The following PGGT1B variants were observed in gnomAD, a reference collection of about 807,000 sequenced individuals.
The protein encoded by PGGT1B is geranylgeranyl transferase type-1 subunit beta.
A neutral mutation model predicts 46.1 loss-of-function variants in PGGT1B; 30 were observed. The observed-to-expected ratio is 0.65, with a 90% CI of 0.49 to 0.88. The LOEUF is 0.88. Among genes scored for constraint, PGGT1B ranks in the 40% least tolerant of loss-of-function variants. PGGT1B has a pLI of 0.00. For missense variants in PGGT1B, 376 were observed against 455.9 expected, an observed-to-expected ratio of 0.82 and a Z score of 1.60; for synonymous variants, 170 against 160.0, an observed-to-expected ratio of 1.06 and a Z score of -0.47.
At chr5:115,236,052 C>A (rs896185520) in intron 5 of PGGT1B, among the ~76,000 whole-genome samples, 2 of 152,080 alleles carry the variant, frequency 1.3e-5, no homozygotes, top group African/African-American at 4.8e-5. Context: ...ACATAATCTT[C>A]CAGTTTGCGT....
intron 6 of PGGT1B, among the ~76,000 whole-genome samples, chr5:115,228,459 TA>T (rs1756864508): frequency 6.6e-6 from 1 of 152,070 alleles, no homozygotes; most frequent in African/African-American, 2.4e-5. Context: ...GAAAGGGGGT[TA>T]GAGAATGGGA....
intron 7 of PGGT1B, among the ~76,000 whole-genome samples, chr5:115,217,822 T>C (rs969421601): frequency 6.6e-6 from 1 of 151,978 alleles, no homozygotes; most frequent in Non-Finnish European, 1.5e-5. Context: ...AAAGACTTTT[T>C]TGAATCTTGA....
intron 8 of PGGT1B, among the ~76,000 whole-genome samples, chr5:115,215,350 G>A (rs886625808): frequency 2.0e-5 from 3 of 151,972 alleles, no homozygotes; most frequent in African/African-American, 7.3e-5. Flanking sequence ...CCAGGCTGGA[G>A]TGCAGTGGTG....
intron 8 of PGGT1B, among the ~76,000 whole-genome samples, chr5:115,215,874 A>G (rs1280309817): frequency 6.6e-6 from 1 of 152,234 alleles, no homozygotes; most frequent in Non-Finnish European, 1.5e-5. Flanking sequence ...CTTGCTTATC[A>G]AAAGTGTCAG....
chr5:115,248,298 A>G (rs1747940356), intron 2 of PGGT1B, among the ~76,000 whole-genome samples: 1 of 152,242 alleles, frequency 6.6e-6, no homozygotes, highest in Admixed American at 6.5e-5. Context: ...ATCAGCACAT[A>G]TAAGTAAAAT....
In PGGT1B at chr5:115,207,219, CT is replaced by C. The variant is rs1021508615; in HGVS notation, c.*5182del. The C allele has an allele frequency of 1.1e-4, 7 of 62,110 alleles. No individual in the cohort carries two copies. The highest frequency in any genetic ancestry group is 4.3e-4 in the African/African-American group (7 of 16,296). 3.8% of individuals were successfully genotyped at this position (62,110 alleles called of 1,614,324 possible). A position where few individuals can be genotyped will look rare whatever the true frequency, so the allele number is the denominator to read the frequency against. On this transcript the variant is annotated 3_prime_UTR_variant, in exon 9 of 9. Transcript: ENST00000419445. ...TATATATATATATAGTCTTGTTACT[CT>C]TTTTAGTAAACATTTTTACTGAGCT...
rs1464371371 is a variant in PGGT1B at position 115,241,650 on chromosome 5, T to C, written c.260-44A>G. On this transcript the variant is annotated intron_variant, in intron 2 of 8. Coordinates refer to ENST00000419445, the MANE Select transcript of PGGT1B (RefSeq NM_005023.4). ...TGCTTATTTAAAGTACACTTTATTT[T>C]TGCACAGATTCTAAAGCAGTTTAAT... The C allele has an allele frequency of 9.8e-6, 14 of 1,427,766 alleles. No homozygotes were observed. The Admixed American group carries it at 1.3e-4, about 14-fold the overall frequency. The allele number at this position is 1,427,766 out of a possible 1,614,324, so 88.4% of individuals were successfully genotyped here. A position where few individuals can be genotyped will look rare whatever the true frequency, so the allele number is the denominator to read the frequency against.
chr5:115,259,974 A>G (rs539587115), intron 1 of PGGT1B, among the ~76,000 whole-genome samples: 45 of 152,330 alleles, frequency 3.0e-4, no homozygotes, highest in Non-Finnish European at 4.9e-4. Context: ...AATGGCAAGA[A>G]TAACTCATAA....
Position 115,231,024 on chromosome 5 carries a change from G to T in PGGT1B, c.613-3C>A. The T allele has an allele frequency of 6.6e-7, 1 of 1,508,996 alleles. No homozygotes were observed. The highest frequency in any genetic ancestry group is 9.0e-7 in the Non-Finnish European group (1 of 1,107,984). 93.5% of individuals were successfully genotyped at this position (1,508,996 alleles called of 1,614,324 possible). ...TGTGCCAGTCCATTGTCATAGGACT[G>T]AAAAAGAAAAACATTGTTCAGTTTA... On this transcript the variant is annotated splice_region_variant and splice_polypyrimidine_tract_variant and intron_variant, in intron 5 of 8. Coordinates refer to ENST00000419445, the MANE Select transcript of PGGT1B (RefSeq NM_005023.4).
At chr5:115,245,536 T>C (rs1409011862) in intron 2 of PGGT1B, among the ~76,000 whole-genome samples, 3 of 152,324 alleles carry the variant, frequency 2.0e-5, no homozygotes, top group South Asian at 4.1e-4. Context: ...TTGCAAGTAA[T>C]ATACTTCAGG....
chr5:115,219,642 A>T (rs144342973), intron 7 of PGGT1B, among the ~76,000 whole-genome samples: 249 of 152,008 alleles, frequency 1.6e-3, no homozygotes, highest in Middle Eastern at 0.01. Flanking sequence ...GGACACCATC[A>T]ACAGAGTAAA....
At chr5:115,234,910 T>G (rs72813830) in intron 5 of PGGT1B, among the ~76,000 whole-genome samples, 6,256 of 152,118 alleles carry the variant, frequency 0.041, 130 homozygotes, top group South Asian at 0.065. Context: ...ACACATACAT[T>G]TCCTATCTCT....
At chr5:115,258,684 G>A (rs1026407881) in intron 1 of PGGT1B, among the ~76,000 whole-genome samples, 1 of 152,168 alleles carries the variant, frequency 6.6e-6, no homozygotes, top group African/African-American at 2.4e-5. Flanking sequence ...TTAGCTTTGG[G>A]ATTACTTCTT....
intron 8 of PGGT1B, among the ~76,000 whole-genome samples, chr5:115,214,941 C>T (rs1015521585): frequency 4.6e-5 from 7 of 152,190 alleles, no homozygotes; most frequent in African/African-American, 1.4e-4. Flanking sequence ...CTTCTGAAGA[C>T]ACACTTTGGC....
At chr5:115,249,769 CTAA>C (rs1189018997) in intron 2 of PGGT1B, among the ~76,000 whole-genome samples, 2 of 152,104 alleles carry the variant, frequency 1.3e-5, no homozygotes, top group Non-Finnish European at 2.9e-5. Flanking sequence ...AAACTCATAT[CTAA>C]TATATATGAC....
rs1338510102 is a variant in PGGT1B, at chr5:115,207,361, CAG to C, written c.*5039_*5040del. ...ATGAAACAGAACATTACCAGCACCGCAGAGTCTCCCTTGTACCCTCTTTCAGT... is the reference window on the plus strand; with the variant it reads ...ATGAAACAGAACATTACCAGCACCGCAGTCTCCCTTGTACCCTCTTTCAGT... On this transcript the variant is annotated 3_prime_UTR_variant, in exon 9 of 9. Coordinates refer to ENST00000419445, the MANE Select transcript of PGGT1B (RefSeq NM_005023.4). The C allele has an allele frequency of 1.3e-5, 2 of 151,534 alleles. No individual in the cohort carries two copies. Among genetic ancestry groups the C allele is most frequent in the African/African-American group, 2.4e-5 (1 of 41,304 alleles). The allele number at this position is 151,534 out of a possible 1,614,324, so 9.4% of individuals were successfully genotyped here.
chr5:115,235,258 G>A (rs939227406), intron 5 of PGGT1B, among the ~76,000 whole-genome samples: 1 of 151,986 alleles, frequency 6.6e-6, no homozygotes, highest in Non-Finnish European at 1.5e-5. Context: ...GAAGTCCATA[G>A]AGATATAAAT....
chr5:115,218,880 G>A (rs1040251244), intron 7 of PGGT1B, among the ~76,000 whole-genome samples: 2 of 151,758 alleles, frequency 1.3e-5, no homozygotes, highest in Non-Finnish European at 3.0e-5. Context: ...TAAATACTGA[G>A]AATTTAATCT....
intron 6 of PGGT1B, among the ~76,000 whole-genome samples, chr5:115,227,527 G>A (rs1756826824): frequency 6.6e-6 from 1 of 152,130 alleles, no homozygotes; most frequent in Non-Finnish European, 1.5e-5. Flanking sequence ...AGATGCAGGA[G>A]CACCAGCCCT....
Sources: allele counts gnomAD v4.1 joint callset (sites outside exome capture counted in the v4.1 genomes callset), GRCh38; gene constraint gnomAD v4.1.1; transcripts MANE v1.5; gene names NCBI Gene and HGNC (gene_info 2026-07-23, HGNC 2026-07-21).